The following CHRNA7 variants were observed in gnomAD, a reference collection of about 807,000 sequenced individuals.
CHRNA7 encodes neuronal acetylcholine receptor subunit alpha-7.
In CHRNA7, 17 loss-of-function variants were observed where a neutral mutation model predicts 48.0. The observed-to-expected ratio is 0.35, with a 90% CI of 0.24 to 0.53. The LOEUF (loss-of-function observed/expected upper bound fraction) is 0.53, where lower values mean the gene tolerates loss of function less well. Among genes scored for constraint, CHRNA7 ranks in the 20% least tolerant of loss-of-function variants. The pLI, the probability that CHRNA7 is intolerant of heterozygous loss-of-function variation, is 0.92. For synonymous variants in CHRNA7, 75 were observed against 242.3 expected (o/e 0.31, Z 6.41); for missense variants, 155 against 577.7 (o/e 0.27, Z 7.50).
intron 2 of CHRNA7, among the ~76,000 whole-genome samples, chr15:32,069,821 C>T (rs377345657): frequency 6.6e-6 from 1 of 151,650 alleles, no homozygotes; most frequent in South Asian, 2.1e-4. Context: ...TTTTTTAAAA[C>T]AAAGCTTCCT....
At chr15:32,066,455 T>C (rs1431387801) in intron 2 of CHRNA7, among the ~76,000 whole-genome samples, 1 of 152,146 alleles carries the variant, frequency 6.6e-6, no homozygotes, top group Non-Finnish European at 1.5e-5. Flanking sequence ...CTAATTTTTG[T>C]ATTTTTAGTA....
At chr15:32,044,577 A>C (rs540032909) in intron 2 of CHRNA7, among the ~76,000 whole-genome samples, 1 of 152,270 alleles carries the variant, frequency 6.6e-6, no homozygotes, top group Admixed American at 6.5e-5. Context: ...TGCCCGGCCT[A>C]GATATTTCTT....
intron 3 of CHRNA7, chr15:32,111,110 C>G (rs1393904034): frequency 6.6e-6 from 1 of 152,162 alleles, no homozygotes; most frequent in Admixed American, 6.6e-5. Flanking sequence ...AGGGATGACC[C>G]CAGACGTGGG....
intron 2 of CHRNA7, among the ~76,000 whole-genome samples, chr15:32,038,056 G>GTATATA (rs71424637): frequency 0.23 from 33,225 of 143,880 alleles, 4,426 homozygotes; most frequent in East Asian, 0.56. Context: ...TTTTGGATAT[G>GTATATA]TATATATATA....
chr15:32,033,777 G>A (rs1188305910), intron 2 of CHRNA7, among the ~76,000 whole-genome samples: 2 of 152,158 alleles, frequency 1.3e-5, no homozygotes, highest in Admixed American at 1.3e-4. Context: ...TTACACATTT[G>A]TTGCCCATTT....
At chr15:32,064,213 G>A (rs558467802) in intron 2 of CHRNA7, among the ~76,000 whole-genome samples, 5 of 152,054 alleles carry the variant, frequency 3.3e-5, no homozygotes, top group South Asian at 2.1e-4. Flanking sequence ...AGTTGTCCTC[G>A]TCTTCCTCCT....
Position 32,149,133 on chromosome 15 carries a change from C to T in CHRNA7, c.351-4774C>T, listed in dbSNP as rs374779406. Among the ~76,000 whole-genome samples, 44 of 152,312 alleles carry T rather than the reference C, an allele frequency of 2.9e-4. No homozygotes were observed. The highest frequency in any genetic ancestry group is 4.3e-4 in the Non-Finnish European group (29 of 68,030). On this transcript the variant is annotated intron_variant, in intron 4 of 9. Transcript: ENST00000306901. This position sits in a 1 kb window ranked among gnomAD's most constrained non-coding sequence, Gnocchi z 4.6. ...CTGCAAGGACGGAGAGGCCACAGGC[C>T]GGCATCTTCACAAACTGTGGATGTA... is the stretch of plus-strand genomic sequence containing the variant.
rs928316297 is a variant in CHRNA7 at position 32,041,133 on chromosome 15, AT to A, written c.195+10104del. 2.1e-3 allele frequency among the ~76,000 whole-genome samples: 312 copies of A among 151,552 alleles called. 2 individuals carry two copies. The highest frequency in any genetic ancestry group is 6.9e-3 in the African/African-American group (283 of 41,300). ...TTGAAATGATATACTTAGATGTTGGATTTTTTTTCCCCCACATGTATCAGCT... is the reference window on the plus strand; with the variant it reads ...TTGAAATGATATACTTAGATGTTGGATTTTTTTCCCCCACATGTATCAGCT... On this transcript the variant is annotated intron_variant, in intron 2 of 9. Coordinates refer to ENST00000306901, the MANE Select transcript of CHRNA7 (RefSeq NM_000746.6).
At chr15:32,036,839 A>G (rs535131688) in intron 2 of CHRNA7, among the ~76,000 whole-genome samples, 3 of 145,818 alleles carry the variant, frequency 2.1e-5, no homozygotes, top group South Asian at 4.3e-4. Context: ...ACAGTCCTTT[A>G]TCAGGTATGT....
chr15:32,144,993 G>C (rs1163135999), intron 4 of CHRNA7, among the ~76,000 whole-genome samples: 1 of 152,180 alleles, frequency 6.6e-6, no homozygotes, highest in Non-Finnish European at 1.5e-5. Flanking sequence ...GGAGAAGAAG[G>C]GGTGCTCTGG....
intron 3 of CHRNA7, among the ~76,000 whole-genome samples, chr15:32,107,438 A>G (rs1006376997): frequency 2.0e-5 from 3 of 150,084 alleles, no homozygotes; most frequent in East Asian, 3.9e-4. Flanking sequence ...TAATATACAA[A>G]CTTATTTAAT....
At chr15:32,131,488 C>G (rs1468616645) in intron 4 of CHRNA7, among the ~76,000 whole-genome samples, 1 of 152,076 alleles carries the variant, frequency 6.6e-6, no homozygotes, top group Non-Finnish European at 1.5e-5. Context: ...TGTTGGTAAT[C>G]CCAGTTACTG....
intron 2 of CHRNA7, among the ~76,000 whole-genome samples, chr15:32,056,663 C>T (rs1166695716): frequency 6.6e-6 from 1 of 152,156 alleles, no homozygotes; most frequent in Non-Finnish European, 1.5e-5. Flanking sequence ...TAGCCCCTGG[C>T]CCCAGGTTTC....
chr15:32,148,849 C>T (rs1345334722), intron 4 of CHRNA7, among the ~76,000 whole-genome samples: 1 of 152,220 alleles, frequency 6.6e-6, no homozygotes, highest in Non-Finnish European at 1.5e-5. Flanking sequence ...TGTGATCCCA[C>T]CATGCCCTCC....
At chr15:32,116,874 C>T (rs1467669886) in intron 4 of CHRNA7, among the ~76,000 whole-genome samples, 2 of 152,178 alleles carry the variant, frequency 1.3e-5, no homozygotes, top group Non-Finnish European at 1.5e-5. Context: ...ATTGAGTGTG[C>T]AAAGCTGCAT....
In CHRNA7 at chr15:32,167,784, G is replaced by A. The variant is rs1187225157; in HGVS notation, c.991-156G>A. ...CGTTGAACTCGACTGCTTGTCATACGCAAGCACTGCTTGCCTGCTAAAATC... is the reference window on the plus strand; with the variant it reads ...CGTTGAACTCGACTGCTTGTCATACACAAGCACTGCTTGCCTGCTAAAATC... On this transcript the variant is annotated intron_variant, in intron 9 of 9. Coordinates refer to ENST00000306901, the MANE Select transcript of CHRNA7 (RefSeq NM_000746.6). Among the ~76,000 whole-genome samples, 16 of 70,274 alleles carry A rather than the reference G, an allele frequency of 2.3e-4. 5 individuals are homozygous for A. Among genetic ancestry groups the A allele is most frequent in the African/African-American group, 5.9e-4 (14 of 23,802 alleles). The allele number at this position is 70,274 out of a possible 152,430, so 46.1% of individuals were successfully genotyped here.
At position 32,051,245 on chromosome 15, in the gene CHRNA7, C is replaced by G. The variant is rs181383953; in HGVS notation, c.195+20208C>G. On this transcript the variant is annotated intron_variant, in intron 2 of 9. Coordinates refer to ENST00000306901, the MANE Select transcript of CHRNA7 (RefSeq NM_000746.6). ...TCTTTTTGTTTGTCTGTGCCCTGCC[C>G]CCAGAGGTGGAGCCTACGGAGGCAG... is the stretch of plus-strand genomic sequence containing the variant. Among the ~76,000 whole-genome samples the G allele has an allele frequency of 4.6e-3, 700 of 151,956 alleles. 4 individuals are homozygous for G. The highest frequency in any genetic ancestry group is 0.016 in the African/African-American group (660 of 41,518).
Position 32,030,986 on chromosome 15 carries a change from G to T in CHRNA7, c.144G>T (p.Ser48=). The change falls in exon 2 of 10, where the codon TCG becomes TCT. Residue 48 remains serine, a synonymous_variant. Coordinates refer to ENST00000306901, the MANE Select transcript of CHRNA7 (RefSeq NM_000746.6). ...TGGAGAGGCCCGTGGCCAATGACTCGCAACCACTCACCGTCTACTTCTCCC... is the reference window on the plus strand; with the variant it reads ...TGGAGAGGCCCGTGGCCAATGACTCTCAACCACTCACCGTCTACTTCTCCC... ...NPLERPVAND[S]QPLTVYFSLS... The T allele has an allele frequency of 6.2e-7, 1 of 1,614,182 alleles. No individual in the cohort carries two copies. The highest frequency in any genetic ancestry group is 1.3e-5 in the African/African-American group (1 of 75,070).
intron 2 of CHRNA7, among the ~76,000 whole-genome samples, chr15:32,050,910 A>G (rs947702805): frequency 1.3e-5 from 2 of 151,920 alleles, no homozygotes; most frequent in African/African-American, 4.8e-5. Context: ...CTAGAGGTCC[A>G]CTCCAGACCC....
Sources: allele counts gnomAD v4.1 joint callset (sites outside exome capture counted in the v4.1 genomes callset), GRCh38; gene constraint gnomAD v4.1.1; non-coding constraint Gnocchi (gnomAD v3.1); transcripts MANE v1.5; gene names NCBI Gene and HGNC (gene_info 2026-07-23, HGNC 2026-07-21).